URGCP: variants seen among roughly 807,000 people sequenced by gnomAD.
The protein encoded by URGCP is up-regulator of cell proliferation.
Under a neutral mutation model 24.6 loss-of-function variants are expected in URGCP, and 13 were observed. That is an observed-to-expected ratio of 0.53 (90% CI 0.34 to 0.84). The LOEUF (loss-of-function observed/expected upper bound fraction) is 0.84, where lower values mean the gene tolerates loss of function less well. URGCP is among the 40% of genes least tolerant of loss of function. The probability of loss-of-function intolerance (pLI) is 0.01; values close to 1 mark genes in which losing one functional copy is unlikely to be tolerated. For synonymous variants in URGCP, 444 were observed against 487.2 expected (o/e 0.91, Z 1.17); for missense variants, 899 against 1,194.3 (o/e 0.75, Z 3.64).
chr7:43,878,362 C>T lies in URGCP; in HGVS notation c.1101G>A (p.Lys367=), dbSNP rs749245857. ...AVFILTDNIS[K]KEYKLLYSMK... is the part of the protein sequence containing the mutation. ...TGGAGTACAGCAATTTGTATTCCTTCTTACTGATATTGTCAGTCAATATAA... is the reference window on the plus strand; with the variant it reads ...TGGAGTACAGCAATTTGTATTCCTTTTTACTGATATTGTCAGTCAATATAA... Residue 367 remains lysine (K), a synonymous_variant, in exon 6 of 6, where the codon AAG becomes AAA. Transcript: ENST00000453200. The surrounding 1 kb of genome is among the most constrained non-coding windows in gnomAD (Gnocchi z 5.6). 4 of 1,614,088 alleles carry T rather than the reference C, an allele frequency of 2.5e-6. No individual in the cohort carries two copies. Among genetic ancestry groups the T allele is most frequent in the Middle Eastern group, 3.3e-4 (2 of 6,084 alleles).
intron 1 of URGCP, among the ~76,000 whole-genome samples, chr7:43,925,247 T>C (rs726873): frequency 0.12 from 17,750 of 152,188 alleles, 1,174 homozygotes; most frequent in Admixed American, 0.18. Flanking sequence ...TGGGCAACTA[T>C]TGAAATGTCT....
At chr7:43,923,362 C>T (rs1181751364) in intron 1 of URGCP, among the ~76,000 whole-genome samples, 1 of 151,630 alleles carries the variant, frequency 6.6e-6, no homozygotes, top group Non-Finnish European at 1.5e-5. Context: ...TCATAGCTCC[C>T]TGCAGCCTCA....
At chr7:43,906,726 G>A, upstream of URGCP, 1 of 602,260 alleles carries the variant, frequency 1.7e-6, no homozygotes, top group Non-Finnish European at 2.2e-6. Context: ...AGGTGGGCCC[G>A]GGGTCCTCTC....
At chr7:43,889,990 C>T (rs954016055) in intron 1 of URGCP, among the ~76,000 whole-genome samples, 3 of 151,392 alleles carry the variant, frequency 2.0e-5, no homozygotes, top group Non-Finnish European at 2.9e-5. Flanking sequence ...CTGCAACCTC[C>T]GTCTCCTGGG....
chr7:43,910,153 T>C (rs1294853256), upstream of URGCP, among the ~76,000 whole-genome samples: 1 of 152,056 alleles, frequency 6.6e-6, no homozygotes, highest in Non-Finnish European at 1.5e-5. Context: ...GGCAGAAAGA[T>C]CACTTGAGGC....
intron 1 of URGCP, among the ~76,000 whole-genome samples, chr7:43,901,772 G>A (rs1461481793): frequency 6.6e-6 from 1 of 152,180 alleles, no homozygotes; most frequent in Non-Finnish European, 1.5e-5. Context: ...GGCCTCCAGT[G>A]GGAAAGCTGA....
chr7:43,897,029 G>A (rs1432571434), intron 1 of URGCP, among the ~76,000 whole-genome samples: 1 of 152,080 alleles, frequency 6.6e-6, no homozygotes, highest in Non-Finnish European at 1.5e-5. Flanking sequence ...AACAAGGCAA[G>A]GGGATATTGG....
chr7:43,913,038 A>C (rs2095911758), intron 1 of URGCP, among the ~76,000 whole-genome samples: 1 of 151,760 alleles, frequency 6.6e-6, no homozygotes, highest in Non-Finnish European at 1.5e-5. Flanking sequence ...TTTAGTAGAG[A>C]CAGGGTTTCA....
chr7:43,907,736 G>A (rs1344597806), upstream of URGCP, among the ~76,000 whole-genome samples: 1 of 152,132 alleles, frequency 6.6e-6, no homozygotes, highest in Non-Finnish European at 1.5e-5. Flanking sequence ...TCCTCTCTGT[G>A]AAGATTAAAT....
At chr7:43,925,053 C>T (rs10229356) in intron 1 of URGCP, among the ~76,000 whole-genome samples, 14,291 of 152,078 alleles carry the variant, frequency 0.094, 857 homozygotes, top group Middle Eastern at 0.16. Flanking sequence ...TAACTGTGCC[C>T]GGCCGAGGAT....
At chr7:43,887,682 G>T (rs1470349769) in intron 2 of URGCP, 108 bp downstream of exon 2, 1 of 1,505,568 alleles carries the variant, frequency 6.6e-7, no homozygotes, top group Non-Finnish European at 8.9e-7. Flanking sequence ...CAATGATTCT[G>T]ATATGCACCC....
chr7:43,886,336 T>C (rs1278747183), intron 3 of URGCP, among the ~76,000 whole-genome samples: 1 of 152,252 alleles, frequency 6.6e-6, no homozygotes, highest in African/African-American at 2.4e-5. Flanking sequence ...TTTTGTGGAT[T>C]TTTGTTTTTG....
exon 1 of URGCP, chr7:43,926,313 C>A: frequency 4.4e-6 from 1 of 229,564 alleles, no homozygotes; most frequent in East Asian, 1.0e-4. Context: ...GTCGAAGCCA[C>A]AGGACCAGGT....
intron 1 of URGCP, among the ~76,000 whole-genome samples, chr7:43,922,776 C>A (rs1271636563): frequency 6.6e-6 from 1 of 151,740 alleles, no homozygotes; most frequent in African/African-American, 2.4e-5. Context: ...GAGATGGGGT[C>A]TTGCCATGTT....
chr7:43,895,640 G>A (rs10233267), intron 1 of URGCP, among the ~76,000 whole-genome samples: 11,413 of 152,200 alleles, frequency 0.075, 575 homozygotes, highest in African/African-American at 0.13. Flanking sequence ...ATGGCACTGC[G>A]CTCCAGCCTG....
At chr7:43,916,715 C>G (rs113564285) in intron 1 of URGCP, among the ~76,000 whole-genome samples, 1 of 19,458 alleles carries the variant, frequency 5.1e-5, no homozygotes, top group East Asian at 2.8e-3. Flanking sequence ...CTACCCACCC[C>G]CCCCCCCCAC....
At chr7:43,909,168 T>G (rs2095907338), upstream of URGCP, among the ~76,000 whole-genome samples, 1 of 152,174 alleles carries the variant, frequency 6.6e-6, no homozygotes, top group East Asian at 1.9e-4. Context: ...GAAACATATA[T>G]ACTCTGTGTA....
At chr7:43,918,095 G>A (rs1243278356) in intron 1 of URGCP, among the ~76,000 whole-genome samples, 2 of 151,770 alleles carry the variant, frequency 1.3e-5, no homozygotes, top group Admixed American at 6.6e-5. Flanking sequence ...GCAACATGGC[G>A]AAACCCTGTC....
rs1439471219 is a variant in URGCP, at chr7:43,882,101, C to A, written c.113-144G>T. ...GTGCTTGAGTCCAGGAGTTTGAGAC[C>A]AGCCTGGGCAACAAAGCAAGACCCT... On this transcript the variant is annotated intron_variant, in intron 3 of 5. Coordinates refer to ENST00000453200, the MANE Select transcript of URGCP (RefSeq NM_001077663.3). 3.6e-6 allele frequency: 5 copies of A among 1,385,200 alleles called. No individual in the cohort carries two copies. In the East Asian group the frequency reaches 1.2e-4, roughly 34 times the overall value. The allele number at this position is 1,385,200 out of a possible 1,614,324, so 85.8% of individuals were successfully genotyped here.
Sources: allele counts gnomAD v4.1 joint callset (sites outside exome capture counted in the v4.1 genomes callset), GRCh38; gene constraint gnomAD v4.1.1; non-coding constraint Gnocchi (gnomAD v3.1); transcripts MANE v1.5; gene names NCBI Gene and HGNC (gene_info 2026-07-23, HGNC 2026-07-21).